SLC25A21: variants seen among roughly 807,000 people sequenced by gnomAD.
SLC25A21 encodes mitochondrial 2-oxodicarboxylate carrier.
A neutral mutation model predicts 43.8 loss-of-function variants in SLC25A21; 47 were observed. The observed-to-expected ratio is 1.07, with a 90% confidence interval of 0.85 to 1.37. The LOEUF (loss-of-function observed/expected upper bound fraction) is 1.37, where lower values mean the gene tolerates loss of function less well. SLC25A21 is among the 40% of genes most tolerant of loss of function. The pLI, the probability that SLC25A21 is intolerant of heterozygous loss-of-function variation, is 0.00. For synonymous variants in SLC25A21, 131 were observed against 121.3 expected (o/e 1.08, Z -0.52); for missense variants, 352 against 350.2 (o/e 1.00, Z -0.04).
rs572412263 is a variant in SLC25A21 at position 36,985,418 on chromosome 14, A to G, written c.71-110414T>C. On this transcript the variant is annotated intron_variant, in intron 1 of 9. Coordinates refer to ENST00000331299, the MANE Select transcript of SLC25A21 (RefSeq NM_030631.4). ...AATAATAATAATAATAATATACTCT[A>G]TAGCAAAGAATCCAATCTGAGCTCA... is the stretch of plus-strand genomic sequence containing the variant. Among the ~76,000 whole-genome samples, 6 of 152,208 alleles carry G rather than the reference A, an allele frequency of 3.9e-5. No homozygotes were observed. The South Asian group carries it at 1.2e-3, about 32-fold the overall frequency.
chr14:36,751,173 T>A (rs1168712091), intron 3 of SLC25A21, among the ~76,000 whole-genome samples: 1 of 152,212 alleles, frequency 6.6e-6, no homozygotes, highest in Non-Finnish European at 1.5e-5. Flanking sequence ...TCAAGACTAG[T>A]AGAAATCTGG....
intron 1 of SLC25A21, among the ~76,000 whole-genome samples, chr14:37,130,307 T>C (rs994471691): frequency 2.0e-5 from 3 of 152,138 alleles, no homozygotes; most frequent in Non-Finnish European, 2.9e-5. Context: ...TTTGAAAGAC[T>C]TTCATTTTAA....
intron 3 of SLC25A21, among the ~76,000 whole-genome samples, chr14:36,805,967 C>G (rs1888025427): frequency 6.6e-6 from 1 of 152,064 alleles, no homozygotes; most frequent in South Asian, 2.1e-4. Flanking sequence ...GTAATCCCAG[C>G]ACTTTGGGAG....
At chr14:37,067,983 C>A (rs931284136) in intron 1 of SLC25A21, among the ~76,000 whole-genome samples, 11 of 152,242 alleles carry the variant, frequency 7.2e-5, no homozygotes, top group Non-Finnish European at 1.5e-4. Flanking sequence ...TCTAGCCCAC[C>A]ATCTGTTTTG....
Position 36,680,053 on chromosome 14 carries a change from G to C in SLC25A21, c.*605C>G. ...AAAGTAGATGTAGGAAAATAGAGCT[G>C]ATATGTGCATAGTTACTAAAAAAAA... is the stretch of plus-strand genomic sequence containing the variant. On this transcript the variant is annotated 3_prime_UTR_variant, in exon 10 of 10. Coordinates refer to ENST00000331299, the MANE Select transcript of SLC25A21 (RefSeq NM_030631.4). 1 of 858,424 alleles carries C rather than the reference G, an allele frequency of 1.2e-6. No individual in the cohort carries two copies. Among genetic ancestry groups the C allele is most frequent in the Non-Finnish European group, 1.4e-6 (1 of 715,904 alleles). 53.2% of individuals were successfully genotyped at this position (858,424 alleles called of 1,614,324 possible). A position where few individuals can be genotyped will look rare whatever the true frequency, so the allele number is the denominator to read the frequency against.
At chr14:36,834,154 C>T (rs1034033515) in intron 2 of SLC25A21, among the ~76,000 whole-genome samples, 2 of 152,270 alleles carry the variant, frequency 1.3e-5, no homozygotes, top group African/African-American at 4.8e-5. Flanking sequence ...AAAAATAAGT[C>T]ATCATGATGC....
At chr14:36,858,949 A>G (rs2138528118) in intron 2 of SLC25A21, among the ~76,000 whole-genome samples, 1 of 152,316 alleles carries the variant, frequency 6.6e-6, no homozygotes, top group Admixed American at 6.5e-5. Context: ...TTGGTTTTCA[A>G]TGTAACAAGG....
At chr14:37,056,693 C>T (rs922674410) in intron 1 of SLC25A21, among the ~76,000 whole-genome samples, 3 of 152,176 alleles carry the variant, frequency 2.0e-5, no homozygotes, top group African/African-American at 7.2e-5. Flanking sequence ...CTGCTGTGCA[C>T]TGACCTCCAA....
In SLC25A21 at chr14:36,997,837, C is replaced by T. The variant is rs550154890; in HGVS notation, c.71-122833G>A. 2.3e-3 allele frequency among the ~76,000 whole-genome samples: 341 copies of T among 150,174 alleles called. 1 individual carries two copies. The highest frequency in any genetic ancestry group is 7.4e-3 in the African/African-American group (305 of 40,952). On this transcript the variant is annotated intron_variant, in intron 1 of 9. Transcript: ENST00000331299. ...TCTGTCTCAAAAAAAAAAAAAACAA[C>T]TCTATTATTTAAACTTTCAGAGAGT...
chr14:36,715,565 T>C (rs1418887759), intron 6 of SLC25A21, among the ~76,000 whole-genome samples: 1 of 152,208 alleles, frequency 6.6e-6, no homozygotes, highest in Admixed American at 6.5e-5. Flanking sequence ...TTACCAATTG[T>C]GGGCCAAATT....
chr14:36,985,071 C>T (rs887213498), intron 1 of SLC25A21, among the ~76,000 whole-genome samples: 1 of 150,550 alleles, frequency 6.6e-6, no homozygotes, highest in African/African-American at 2.4e-5. Flanking sequence ...TAAACTATCA[C>T]AAGAACAAAA....
intron 3 of SLC25A21, among the ~76,000 whole-genome samples, chr14:36,813,394 CTGT>C (rs1888340062): frequency 6.6e-6 from 1 of 151,170 alleles, no homozygotes. Context: ...GACAGTCTTG[CTGT>C]CACCCAGGCC....
chr14:37,080,395 C>T (rs1456009251), intron 1 of SLC25A21, among the ~76,000 whole-genome samples: 3 of 152,134 alleles, frequency 2.0e-5, no homozygotes, highest in African/African-American at 7.2e-5. Context: ...GAATTCAAGA[C>T]CAGCCTAAGC....
rs149869912 is a variant in SLC25A21 at position 37,016,528 on chromosome 14, T to G, written c.71-141524A>C. 9.4e-3 allele frequency among the ~76,000 whole-genome samples: 1,426 copies of G among 152,188 alleles called. 31 individuals carry two copies. The highest frequency in any genetic ancestry group is 0.031 in the African/African-American group (1,296 of 41,508). The stretch of plus-strand genomic sequence containing the variant: ...TTAGGATTGACTTGGCGATGCGGGC[T>G]CTTTTTTGATTTTTGGCATAATTCT... On this transcript the variant is annotated intron_variant, in intron 1 of 9. Transcript: ENST00000331299.
chr14:36,679,837 T>G lies in SLC25A21; in HGVS notation c.*821A>C, dbSNP rs1594479697. ...CAATTTGTGATTTAACATGACAATA[T>G]CTCATCAACAAAACTTATCTTCAAA... is the stretch of plus-strand genomic sequence containing the variant. On this transcript the variant is annotated 3_prime_UTR_variant, in exon 10 of 10. Transcript: ENST00000331299. 2.5e-5 allele frequency: 25 copies of G among 984,576 alleles called. No homozygotes were observed. The highest frequency in any genetic ancestry group is 1.1e-4 in the East Asian group (1 of 8,814). The allele number at this position is 984,576 out of a possible 1,614,324, so 61.0% of individuals were successfully genotyped here. A position where few individuals can be genotyped will look rare whatever the true frequency, so the allele number is the denominator to read the frequency against.
intron 1 of SLC25A21, among the ~76,000 whole-genome samples, chr14:36,959,935 G>C (rs1316750691): frequency 6.6e-6 from 1 of 152,130 alleles, no homozygotes; most frequent in East Asian, 1.9e-4. Flanking sequence ...ATAATGTCCA[G>C]CATGTAATGA....
chr14:36,833,837 C>T (rs1001031290), intron 2 of SLC25A21, among the ~76,000 whole-genome samples: 9 of 152,158 alleles, frequency 5.9e-5, no homozygotes, highest in African/African-American at 2.2e-4. Context: ...GTCCAACTTC[C>T]CCTATTGAAA....
At chr14:36,932,531 G>A (rs76344330) in intron 1 of SLC25A21, among the ~76,000 whole-genome samples, 1,596 of 151,810 alleles carry the variant, frequency 0.011, 20 homozygotes, top group African/African-American at 0.035. Flanking sequence ...CTATGTGCTG[G>A]GCATCATATT....
intron 3 of SLC25A21, among the ~76,000 whole-genome samples, chr14:36,762,713 G>A (rs77546837): frequency 0.015 from 2,232 of 152,252 alleles, 53 homozygotes; most frequent in African/African-American, 0.051. Flanking sequence ...TCTAAGTTTA[G>A]TGCCTTCATC....
Sources: gnomAD v4.1 joint callset for allele counts (sites outside exome capture counted in the v4.1 genomes callset) on GRCh38, gnomAD v4.1.1 for gene constraint, MANE v1.5 for transcripts, NCBI Gene and HGNC (gene_info 2026-07-23, HGNC 2026-07-21) for gene names.